The following CD163L1 variants were observed in gnomAD, a reference collection of about 807,000 sequenced individuals.
The protein encoded by CD163L1 is scavenger receptor cysteine-rich type 1 protein M160.
Under a neutral mutation model 165.4 loss-of-function variants are expected in CD163L1, and 124 were observed. The ratio of observed to expected loss-of-function variants is 0.75; its 90% CI spans 0.65 to 0.87. The LOEUF (loss-of-function observed/expected upper bound fraction) is 0.87. CD163L1 is among the 40% of genes least tolerant of loss of function. The probability of loss-of-function intolerance (pLI) is 0.00; values close to 1 mark genes in which losing one functional copy is unlikely to be tolerated. For missense variants in CD163L1, 1,525 were observed against 1,799.9 expected (o/e 0.85, Z 2.76); for synonymous variants, 585 against 662.2 (o/e 0.88, Z 1.79).
intron 2 of CD163L1, among the ~76,000 whole-genome samples, chr12:7,434,149 A>G (rs1948681595): frequency 6.6e-6 from 1 of 152,216 alleles, no homozygotes; most frequent in Admixed American, 6.5e-5. Context: ...TTTTCTACTC[A>G]ATAAAATCTA....
At chr12:7,351,683 C>T (rs919372243), downstream of CD163L1, among the ~76,000 whole-genome samples, 1 of 152,126 alleles carries the variant, frequency 6.6e-6, no homozygotes, top group Non-Finnish European at 1.5e-5. Context: ...AATTAGATCA[C>T]TTAGAATTCA....
chr12:7,421,273 G>A (rs1448983387), intron 4 of CD163L1, among the ~76,000 whole-genome samples: 1 of 116,916 alleles, frequency 8.6e-6, no homozygotes, highest in Non-Finnish European at 1.6e-5. Context: ...TCTTCCAAAT[G>A]TGTGTATATA....
intron 8 of CD163L1, among the ~76,000 whole-genome samples, chr12:7,380,378 T>TATGTGTGTATACGCGTATACATAC: frequency 7.1e-6 from 1 of 141,184 alleles, no homozygotes; most frequent in East Asian, 2.1e-4. Context: ...TACATACATG[T>TATGTGTGTATACGCGTATACATAC]ATGTGTGTAT....
chr12:7,333,547 T>C, the CD163L1 span, among the ~76,000 whole-genome samples: 3 of 152,100 alleles, frequency 2.0e-5, no homozygotes, highest in South Asian at 6.2e-4. Flanking sequence ...AGGAAAGATC[T>C]AAAATTGACA....
intron 8 of CD163L1, among the ~76,000 whole-genome samples, chr12:7,380,696 T>G (rs1947387969): frequency 6.6e-6 from 1 of 152,054 alleles, no homozygotes; most frequent in Non-Finnish European, 1.5e-5. Flanking sequence ...GCTTGGGTGA[T>G]GAGTGCATCA....
At chr12:7,325,034 C>T in the CD163L1 span, among the ~76,000 whole-genome samples, 1 of 152,310 alleles carries the variant, frequency 6.6e-6, no homozygotes, top group South Asian at 2.1e-4. Flanking sequence ...ACCCTCCACC[C>T]CTTCAGGGAA....
the CD163L1 span, among the ~76,000 whole-genome samples, chr12:7,334,059 G>T: frequency 1.4e-5 from 2 of 146,294 alleles, no homozygotes; most frequent in Non-Finnish European, 3.0e-5. Flanking sequence ...TCTACCAGAG[G>T]TACAAGGAGG....
chr12:7,329,336 A>ATT, the CD163L1 span, among the ~76,000 whole-genome samples: 1 of 139,082 alleles, frequency 7.2e-6, no homozygotes. Flanking sequence ...ACCATATTTA[A>ATT]TTTTTTTTTC....
chr12:7,375,659 A>T, intron 10 of CD163L1, 41 bp downstream of exon 10: 1 of 1,610,964 alleles, frequency 6.2e-7, no homozygotes, highest in Non-Finnish European at 8.5e-7. Context: ...CAAACTCCCC[A>T]TCTCTAGCCC....
In CD163L1 at chr12:7,398,551, GC is replaced by G; in HGVS notation, c.1441del (p.Ala481LeufsTer11). 6.2e-7 allele frequency: 1 copy of G among 1,600,256 alleles called. No individual in the cohort carries two copies. The highest frequency in any genetic ancestry group is 8.5e-7 in the Non-Finnish European group (1 of 1,173,676). Reference sequence around the variant, plus strand: ...CAATCTCCCATAACAGGGGCTATGAGCCCCGACAAGCCTTAGGTCCAGATCT... The same window carrying G: ...CAATCTCCCATAACAGGGGCTATGAGCCCGACAAGCCTTAGGTCCAGATCT... Reference protein sequence around the residue: ...KADLDLRLVGAHSPCYGRLEV... With the variant: ...KADLDLRLVGXHSPCYGRLEV... On this transcript the variant is annotated frameshift_variant, in exon 7 of 20. Transcript: ENST00000313599. LOFTEE classifies it high-confidence loss of function. The surrounding 1 kb of genome is among the most constrained non-coding windows in gnomAD (Gnocchi z 4.5).
At chr12:7,385,897 T>C (rs1053922478) in intron 8 of CD163L1, among the ~76,000 whole-genome samples, 1 of 151,634 alleles carries the variant, frequency 6.6e-6, no homozygotes, top group African/African-American at 2.4e-5. Flanking sequence ...AGCAAAAAAG[T>C]AGAAAGATTT....
In CD163L1 at chr12:7,362,289, T is replaced by C. The variant is rs959312806; in HGVS notation, c.4280-4803A>G. Among the ~76,000 whole-genome samples the C allele has an allele frequency of 3.5e-5, 5 of 141,046 alleles. No homozygotes were observed. In the East Asian group the frequency reaches 1.0e-3, roughly 28 times the overall value. 92.5% of individuals were successfully genotyped at this position (141,046 alleles called of 152,430 possible). On this transcript the variant is annotated intron_variant, in intron 18 of 19. Transcript: ENST00000313599. ...TATATTACTTATATATTATAGATTA[T>C]ATAGTAATTATACTATATAATTATA... is the stretch of plus-strand genomic sequence containing the variant.
In CD163L1 at chr12:7,347,636, C is replaced by T. The variant is rs543783238; in HGVS notation, c.*25-489G>A. On this transcript the variant is annotated intron_variant, in intron 4 of 4. Coordinates refer to the CD163L1 transcript ENST00000539726. The surrounding 1 kb of genome is among the most constrained non-coding windows in gnomAD (Gnocchi z 4.2). ...CAAAAAAATTAGCCTGGTGTGGTGGCGGGCGCCTGTAGTCCCAGCTACTCG... is the reference window on the plus strand; with the variant it reads ...CAAAAAAATTAGCCTGGTGTGGTGGTGGGCGCCTGTAGTCCCAGCTACTCG... Among the ~76,000 whole-genome samples the T allele has an allele frequency of 7.0e-4, 107 of 152,088 alleles. No homozygotes were observed. The highest frequency in any genetic ancestry group is 1.4e-3 in the Non-Finnish European group (92 of 67,996).
At position 7,439,746 on chromosome 12, in the gene CD163L1, T is replaced by C. The variant is rs1471454939; in HGVS notation, c.124+1408A>G. On this transcript the variant is annotated intron_variant, in intron 2 of 19. Transcript: ENST00000313599. The stretch of plus-strand genomic sequence containing the variant: ...AGGTATCGTCATCCGATGTATAGCC[T>C]TTCCAGCGAACTTTGTAAAGAATTT... 5.0e-6 allele frequency: 8 copies of C among 1,612,312 alleles called. No individual in the cohort carries two copies. In the East Asian group the frequency reaches 1.8e-4, roughly 36 times the overall value.
rs1947836774 is a variant in CD163L1, at chr12:7,398,709, T to C, written c.1409-125A>G. The C allele has an allele frequency of 4.1e-6, 3 of 734,654 alleles. No homozygotes were observed. In the East Asian group the frequency reaches 9.3e-5, roughly 23 times the overall value. The allele number at this position is 734,654 out of a possible 1,614,324, so 45.5% of individuals were successfully genotyped here. A position where few individuals can be genotyped will look rare whatever the true frequency, so the allele number is the denominator to read the frequency against. ...ACAGGTGATATATTAGGCACACTTT[T>C]GAATGAAAAGTTTGGTTTTCTTTCT... On this transcript the variant is annotated intron_variant, in intron 6 of 19. Coordinates refer to ENST00000313599, the MANE Select transcript of CD163L1 (RefSeq NM_174941.6). This position sits in a 1 kb window ranked among gnomAD's most constrained non-coding sequence, Gnocchi z 4.5.
chr12:7,439,410 T>A, intron 2 of CD163L1: 24 of 1,597,512 alleles, frequency 1.5e-5, no homozygotes, highest in Non-Finnish European at 2.0e-5. Flanking sequence ...TAAATCAAAC[T>A]AAACTTTCCA....
intron 8 of CD163L1, among the ~76,000 whole-genome samples, chr12:7,394,000 G>A (rs1591919396): frequency 6.6e-6 from 1 of 151,712 alleles, no homozygotes; most frequent in African/African-American, 2.4e-5. Context: ...ACTGCCCAAG[G>A]TAATTTATAG....
Position 7,374,575 on chromosome 12 carries a change from C to T in CD163L1, c.3276G>A (p.Gly1092=). The T allele has an allele frequency of 6.2e-7, 1 of 1,614,230 alleles. No individual in the cohort carries two copies. Among genetic ancestry groups the T allele is most frequent in the Admixed American group, 1.7e-5 (1 of 60,030 alleles). Residue 1092 remains glycine, a synonymous_variant, in exon 13 of 20, where the codon GGG becomes GGA. Coordinates refer to ENST00000313599, the MANE Select transcript of CD163L1 (RefSeq NM_174941.6). This position sits in a 1 kb window ranked among gnomAD's most constrained non-coding sequence, Gnocchi z 5.4. The part of the protein sequence containing the change: ...AFNATVSAHF[G]EGSGPIWLDD... ...CCAGCCAGATGGGCCCTGACCCCTC[C>T]CCAAAGTGAGCAGAGACCGTGGCAT...
the CD163L1 span, chr12:7,323,632 C>T: frequency 7.4e-7 from 1 of 1,352,702 alleles, no homozygotes; most frequent in East Asian, 2.3e-5. Flanking sequence ...CCGTGTCTTG[C>T]TATGTAATCT....
Sources: gnomAD v4.1 joint callset for allele counts (sites outside exome capture counted in the v4.1 genomes callset) on GRCh38, gnomAD v4.1.1 for gene constraint, Gnocchi (gnomAD v3.1) non-coding constraint, MANE v1.5 for transcripts, NCBI Gene and HGNC (gene_info 2026-07-23, HGNC 2026-07-21) for gene names.